SH3BP4: variants seen among roughly 807,000 people sequenced by gnomAD.
SH3BP4 encodes the protein SH3 domain binding protein 4, also known as SH3 domain-binding protein 4.
SH3BP4 carries 33 observed loss-of-function variants against 65.5 expected under a neutral mutation model. The ratio of observed to expected loss-of-function variants is 0.50; its 90% CI spans 0.38 to 0.67. The LOEUF (loss-of-function observed/expected upper bound fraction) is 0.67. Ranked by LOEUF, SH3BP4 falls within the 30% of genes least tolerant of loss-of-function variation. The pLI is 0.00. For synonymous variants in SH3BP4, 552 were observed against 545.5 expected (o/e 1.01, Z -0.17); for missense variants, 1,134 against 1,261.4 (o/e 0.90, Z 1.53).
At chr2:235,053,390 G>A (rs980012394) in intron 5 of SH3BP4, among the ~76,000 whole-genome samples, 1 of 152,170 alleles carries the variant, frequency 6.6e-6, no homozygotes, top group Admixed American at 6.5e-5. Context: ...CTTGCACAAA[G>A]CCCTGCTTTT....
rs1695683001 is a variant in SH3BP4, at chr2:235,042,249, A to G, written c.1480A>G (p.Ile494Val). The G allele has an allele frequency of 1.2e-6, 2 of 1,613,908 alleles. No homozygotes were observed. Among genetic ancestry groups the G allele is most frequent in the African/African-American group, 1.3e-5 (1 of 74,870 alleles). The change falls in exon 4 of 6, where the codon ATT becomes GTT. Residue 494 changes from isoleucine to valine, a missense_variant. Physicochemically the swap from Ile to Val is conservative, Grantham distance 29 (BLOSUM62 3). Transcript: ENST00000392011. This position sits in a 1 kb window ranked among gnomAD's most constrained non-coding sequence, Gnocchi z 7.3. ...IHPSFKTVVT[I>V]FGHDCAPKTL... ...CCCATCCTTCAAGACGGTAGTGACC[A>G]TTTTTGGGCATGACTGTGCCCCAAA...
At chr2:235,051,462 C>G (rs1167025731) in intron 4 of SH3BP4, among the ~76,000 whole-genome samples, 1 of 152,198 alleles carries the variant, frequency 6.6e-6, no homozygotes, top group African/African-American at 2.4e-5. Context: ...TTGTTCCAGC[C>G]TCAGCTGGGA....
Position 234,952,043 on chromosome 2 carries a change from G to C in SH3BP4, c.-334G>C, listed in dbSNP as rs1574766463. On this transcript the variant is annotated 5_prime_UTR_variant, in exon 1 of 6. Transcript: ENST00000392011. The surrounding 1 kb of genome is among the most constrained non-coding windows in gnomAD (Gnocchi z 6.5). ...GCGCGCCCGGCACTCTCGGCGGTCC[G>C]GGCCCCTCGCCACTACCGCCGCCGC... 1.4e-5 allele frequency: 2 copies of C among 146,412 alleles called. No individual in the cohort carries two copies. The highest frequency in any genetic ancestry group is 1.8e-4 in the South Asian group (1 of 5,576). The allele number at this position is 146,412 out of a possible 1,614,324, so 9.1% of individuals were successfully genotyped here. A position where few individuals can be genotyped will look rare whatever the true frequency, so the allele number is the denominator to read the frequency against.
chr2:234,961,620 C>G lies in SH3BP4; in HGVS notation c.-207+9450C>G, dbSNP rs143903867. On this transcript the variant is annotated intron_variant, in intron 1 of 5. Transcript: ENST00000392011. ...GCTTGTCAGCGTGCAGTTCATCATG[C>G]CTTGCTTCTTTTGTCTTGTGTACAT... 8.3e-3 allele frequency among the ~76,000 whole-genome samples: 1,269 copies of G among 152,196 alleles called. 9 individuals carry two copies. Among genetic ancestry groups the G allele is most frequent in the African/African-American group, 0.028 (1,173 of 41,526 alleles).
At chr2:235,044,837 G>T (rs922182412) in intron 4 of SH3BP4, among the ~76,000 whole-genome samples, 3 of 152,216 alleles carry the variant, frequency 2.0e-5, no homozygotes, top group Admixed American at 6.5e-5. Flanking sequence ...GACCCTCTCT[G>T]GGTGGCCTGC....
chr2:235,011,768 G>C (rs1694515396), intron 2 of SH3BP4, among the ~76,000 whole-genome samples: 1 of 152,236 alleles, frequency 6.6e-6, no homozygotes, highest in Non-Finnish European at 1.5e-5. Flanking sequence ...GCCTGTACCA[G>C]CTGGAAATGA....
Position 234,977,000 on chromosome 2 carries a change from T to G in SH3BP4, c.-206-18303T>G, listed in dbSNP as rs1358343160. 1.3e-5 allele frequency among the ~76,000 whole-genome samples: 2 copies of G among 152,206 alleles called. No homozygotes were observed. The highest frequency in any genetic ancestry group is 4.8e-5 in the African/African-American group (2 of 41,450). ...GATGATAGTGCACCGACATCCATTG[T>G]GACAAAGGTGCCGTCCTCCTGTAAG... is the stretch of plus-strand genomic sequence containing the variant. On this transcript the variant is annotated intron_variant, in intron 1 of 5. Coordinates refer to ENST00000392011, the MANE Select transcript of SH3BP4 (RefSeq NM_014521.3). This position sits in a 1 kb window ranked among gnomAD's most constrained non-coding sequence, Gnocchi z 4.7.
At chr2:234,955,128 A>G (rs1692556960) in intron 1 of SH3BP4, among the ~76,000 whole-genome samples, 1 of 152,206 alleles carries the variant, frequency 6.6e-6, no homozygotes, top group African/African-American at 2.4e-5. Context: ...GGAGGTGGGC[A>G]TCAGGTCTTC....
chr2:235,001,717 C>T (rs779345761), intron 2 of SH3BP4, among the ~76,000 whole-genome samples: 3 of 152,160 alleles, frequency 2.0e-5, no homozygotes, highest in Non-Finnish European at 2.9e-5. Context: ...AGGCCGCATC[C>T]GGGAAGCCTG....
intron 2 of SH3BP4, among the ~76,000 whole-genome samples, chr2:235,023,212 C>T (rs1443935683): frequency 6.6e-6 from 1 of 152,062 alleles, no homozygotes; most frequent in Non-Finnish European, 1.5e-5. Flanking sequence ...TACAAAGTTG[C>T]AAAGACCTGC....
In SH3BP4 at chr2:234,967,289, G is replaced by C. The variant is rs539374873; in HGVS notation, c.-207+15119G>C. ...CCAGACTGGGGAGCAGGATGGGGCT[G>C]TGTTGTGGGAGGTAGGGAACCTGAG... is the stretch of plus-strand genomic sequence containing the variant. On this transcript the variant is annotated intron_variant, in intron 1 of 5. Coordinates refer to ENST00000392011, the MANE Select transcript of SH3BP4 (RefSeq NM_014521.3). The surrounding 1 kb of genome is among the most constrained non-coding windows in gnomAD (Gnocchi z 4.6). Among the ~76,000 whole-genome samples the C allele has an allele frequency of 5.3e-5, 8 of 152,342 alleles. No homozygotes were observed. In the East Asian group the frequency reaches 1.5e-3, roughly 29 times the overall value.
In SH3BP4 at chr2:234,967,127, T is replaced by G. The variant is rs1350796665; in HGVS notation, c.-207+14957T>G. Among the ~76,000 whole-genome samples the G allele has an allele frequency of 1.3e-5, 2 of 152,112 alleles. No homozygotes were observed. Among genetic ancestry groups the G allele is most frequent in the African/African-American group, 2.4e-5 (1 of 41,416 alleles). ...AACAGATCGGGAAACTGAGGAACCA[T>G]GGGGTTTAGGGACTTGTGTGAGCTG... On this transcript the variant is annotated intron_variant, in intron 1 of 5. Transcript: ENST00000392011. This position sits in a 1 kb window ranked among gnomAD's most constrained non-coding sequence, Gnocchi z 4.6.
At chr2:235,038,311 ATTATATATT>A (rs1695480565) in intron 3 of SH3BP4, among the ~76,000 whole-genome samples, 1 of 20,230 alleles carries the variant, frequency 4.9e-5, no homozygotes, top group African/African-American at 2.6e-4. Context: ...ATATATATAT[ATTATATATT>A]ATATATATAT....
At chr2:234,989,946 A>G (rs6710499) in intron 1 of SH3BP4, among the ~76,000 whole-genome samples, 73,586 of 152,094 alleles carry the variant, frequency 0.48, 20,527 homozygotes, top group East Asian at 0.77. Flanking sequence ...TTTCAGCACC[A>G]ACGTGATGCC....
chr2:234,964,471 C>G (rs2106242582), intron 1 of SH3BP4, among the ~76,000 whole-genome samples: 1 of 152,272 alleles, frequency 6.6e-6, no homozygotes, highest in East Asian at 1.9e-4. Context: ...GAGTTCACTG[C>G]CCAGCAGGGG....
intron 2 of SH3BP4, among the ~76,000 whole-genome samples, chr2:235,027,433 C>T (rs759583339): frequency 4.7e-4 from 72 of 152,030 alleles, no homozygotes; most frequent in Admixed American, 9.8e-4. Context: ...ACAGGAGGAC[C>T]GACCTGCTGG....
At chr2:235,023,005 A>G (rs137892566) in intron 2 of SH3BP4, among the ~76,000 whole-genome samples, 249 of 152,248 alleles carry the variant, frequency 1.6e-3, no homozygotes, top group African/African-American at 5.9e-3. Flanking sequence ...GTGGAGTAAT[A>G]AGGCCAGGAG....
At chr2:234,993,256 C>T (rs1693808758) in intron 1 of SH3BP4, among the ~76,000 whole-genome samples, 1 of 152,240 alleles carries the variant, frequency 6.6e-6, no homozygotes, top group Non-Finnish European at 1.5e-5. Flanking sequence ...TTCTGTGTCA[C>T]TGGACTCGCC....
intron 2 of SH3BP4, among the ~76,000 whole-genome samples, chr2:234,999,353 T>A (rs1694028118): frequency 6.6e-6 from 1 of 152,222 alleles, no homozygotes; most frequent in Admixed American, 6.5e-5. Flanking sequence ...TATTATTTAT[T>A]TCAAGAGCCT....
Sources: allele counts gnomAD v4.1 joint callset (sites outside exome capture counted in the v4.1 genomes callset), GRCh38; gene constraint gnomAD v4.1.1; non-coding constraint Gnocchi (gnomAD v3.1); transcripts MANE v1.5; gene names NCBI Gene and HGNC (gene_info 2026-07-23, HGNC 2026-07-21).